THOC2: variants seen among roughly 807,000 people sequenced by gnomAD.
THOC2 encodes the protein THO complex 2.
THOC2 carries 10 observed loss-of-function variants against 128.4 expected under a neutral mutation model. That is an observed-to-expected ratio of 0.08 (90% CI 0.05 to 0.13). THOC2 has a LOEUF of 0.13. Ranked by LOEUF, THOC2 falls within the 10% of genes least tolerant of loss-of-function variation. The probability of loss-of-function intolerance (pLI) is 1.00; values close to 1 mark genes in which losing one functional copy is unlikely to be tolerated. For missense variants in THOC2, 535 were observed against 1,155.7 expected (o/e 0.46, Z 7.79); for synonymous variants, 393 against 396.9 (o/e 0.99, Z 0.12).
At chrX:123,659,503 G>A (rs756632532) in intron 12 of THOC2, among the ~76,000 whole-genome samples, 11 of 112,007 alleles carry the variant, frequency 9.8e-5, no homozygotes, top group Non-Finnish European at 1.7e-4. Context: ...CCCAGGAGGC[G>A]GAGGTTGCAG....
In THOC2 at chrX:123,703,465, A is replaced by T. The variant is rs1308758838; in HGVS notation, c.263T>A (p.Phe88Tyr). Residue 88 changes from phenylalanine to tyrosine, a missense_variant, in exon 4 of 39, where the codon TTC (phenylalanine) becomes TAC (tyrosine). This residue lies in a region of THOC2 where 61 missense variants were observed against 84.3 expected (regional missense o/e 0.72). Transcript: ENST00000245838. ...GGCTTAATACCTACCTAATATGCAG[A>T]ATACATCAGCAAGAATGGAGGGCAT... ...EDMPSILADV[F>Y]CILDIETNCL... The T allele has an allele frequency of 8.5e-7, 1 of 1,175,675 alleles. No homozygotes were observed. Among genetic ancestry groups the T allele is most frequent in the Non-Finnish European group, 1.2e-6 (1 of 865,875 alleles).
At chrX:123,647,086 G>A (rs190505055) in intron 12 of THOC2, among the ~76,000 whole-genome samples, 1 of 111,079 alleles carries the variant, frequency 9.0e-6, no homozygotes, top group Admixed American at 9.6e-5. Context: ...TATTCTCTAG[G>A]TTTCATATCA....
intron 7 of THOC2, among the ~76,000 whole-genome samples, chrX:123,694,021 T>C (rs768203892): frequency 1.1e-4 from 12 of 111,141 alleles, no homozygotes; most frequent in Non-Finnish European, 2.3e-4. Context: ...GAAAAGTAAG[T>C]AGTATACATT....
intron 13 of THOC2, among the ~76,000 whole-genome samples, 164 bp from the exon 14 acceptor site, chrX:123,645,073 C>T (rs1004864116): frequency 8.9e-6 from 1 of 111,836 alleles, no homozygotes; most frequent in Non-Finnish European, 1.9e-5. Context: ...GTTTCTCCAT[C>T]GAAGACATAA....
At position 123,632,867 on chromosome X, in the gene THOC2, A is replaced by G; in HGVS notation, c.2310T>C (p.Tyr770=). The G allele has an allele frequency of 1.7e-6, 2 of 1,207,396 alleles. No homozygotes were observed. The highest frequency in any genetic ancestry group is 1.7e-5 in the African/African-American group (1 of 57,796). Residue 770 remains tyrosine (Y), a synonymous_variant, in exon 21 of 39, where the codon TAT becomes TAC. Coordinates refer to ENST00000245838, the MANE Select transcript of THOC2 (RefSeq NM_001081550.2). ...AAAAGCCACTTTAACTTGCCTGGTC[A>G]TAGAGCTTTCCCACAAGTTTCAAAT... The part of the protein sequence containing the change: ...EKHLKLVGKL[Y]DQCHDTLVQF...
At chrX:123,719,719 T>C (rs1401066683) in intron 1 of THOC2, among the ~76,000 whole-genome samples, 3 of 110,066 alleles carry the variant, frequency 2.7e-5, no homozygotes, top group Non-Finnish European at 1.9e-5. Flanking sequence ...GGAAGATTCC[T>C]TGAGGTTAGT....
Position 123,625,921 on chromosome X carries a change from G to A in THOC2, c.3048C>T (p.Cys1016=). Residue 1016 remains cysteine (C), a synonymous_variant, in exon 25 of 39, where the codon TGC becomes TGT. Coordinates refer to ENST00000245838, the MANE Select transcript of THOC2 (RefSeq NM_001081550.2). Reference sequence around the variant, plus strand: ...TGCAATAAAAACTTACTCGATCATAGCAAAGAAGTGTGGAAAAATTTGGAG... The same window carrying A: ...TGCAATAAAAACTTACTCGATCATAACAAAGAAGTGTGGAAAAATTTGGAG... ...QKTPNFSTLL[C]YDRVFSDIIY... 1 of 1,208,788 alleles carries A rather than the reference G, an allele frequency of 8.3e-7. No homozygotes were observed.
rs1238661496 is a variant in THOC2 at position 123,626,591 on chromosome X, C to G, written c.2829G>C (p.Lys943Asn). Residue 943 changes from lysine to asparagine, a missense_variant, in exon 24 of 39, where the codon AAG (lysine) becomes AAC (asparagine). Transcript: ENST00000245838. ...ALQDKLLEEE[K>N]KQMEHVQRVL... The stretch of plus-strand genomic sequence containing the variant: ...CTCTCTGTACATGTTCCATCTGTTT[C>G]TTTTCTTCTTCAAGAAGCTTGTCCT... 2 of 1,201,658 alleles carry G rather than the reference C, an allele frequency of 1.7e-6. No homozygotes were observed. The highest frequency in any genetic ancestry group is 2.2e-6 in the Non-Finnish European group (2 of 891,950).
intron 30 of THOC2, 95 bp downstream of exon 30, chrX:123,622,663 G>A (rs1196300936): frequency 3.4e-6 from 2 of 593,281 alleles, no homozygotes; most frequent in Non-Finnish European, 2.6e-6. Flanking sequence ...GACCAGCCTG[G>A]GCAACATTGC....
intron 12 of THOC2, among the ~76,000 whole-genome samples, chrX:123,650,313 A>G (rs1234796651): frequency 8.9e-6 from 1 of 112,068 alleles, no homozygotes; most frequent in Non-Finnish European, 1.9e-5. Context: ...GGAAGCACTA[A>G]ATATGGAAAG....
intron 15 of THOC2, among the ~76,000 whole-genome samples, chrX:123,643,629 G>C (rs1228130192): frequency 9.2e-6 from 1 of 108,837 alleles, no homozygotes; most frequent in African/African-American, 3.4e-5. Flanking sequence ...ACTCCCCCAA[G>C]TGAAATCATT....
At chrX:123,650,701 A>C (rs1007354335) in intron 12 of THOC2, among the ~76,000 whole-genome samples, 1 of 112,068 alleles carries the variant, frequency 8.9e-6, no homozygotes, top group Non-Finnish European at 1.9e-5. Flanking sequence ...AGATCAAAAA[A>C]AGACAAAGAG....
chrX:123,705,841 A>G (rs954276229), intron 3 of THOC2, among the ~76,000 whole-genome samples: 3 of 111,528 alleles, frequency 2.7e-5, no homozygotes, highest in Non-Finnish European at 5.7e-5. Flanking sequence ...ACCTTAATAA[A>G]ACCTATTATA....
intron 18 of THOC2, among the ~76,000 whole-genome samples, chrX:123,636,875 G>A (rs1237447409): frequency 8.9e-6 from 1 of 112,020 alleles, no homozygotes; most frequent in Non-Finnish European, 1.9e-5. Context: ...AAGGAGCTGA[G>A]TCTAGTGGAA....
At chrX:123,650,269 T>C (rs1438772758) in intron 12 of THOC2, among the ~76,000 whole-genome samples, 4 of 111,829 alleles carry the variant, frequency 3.6e-5, no homozygotes, top group Non-Finnish European at 5.6e-5. Context: ...AGAGATTATG[T>C]CACTACCAGG....
Position 123,627,683 on chromosome X carries a change from A to C in THOC2, c.2757+10T>G, listed in dbSNP as rs749659964. 1 of 1,209,665 alleles carries C rather than the reference A, an allele frequency of 8.3e-7. No homozygotes were observed. ...GTTATTGCACTTGAACTACTAGAAC[A>C]AAAACCTACCATTTCCTGATTGTCA... On this transcript the variant is annotated intron_variant, in intron 23 of 38. Transcript: ENST00000245838.
rs60084864 is a variant in THOC2 at position 123,685,697 on chromosome X, G to A, written c.768+851C>T. Among the ~76,000 whole-genome samples, 593 of 111,729 alleles carry A rather than the reference G, an allele frequency of 5.3e-3. 2 individuals are homozygous for A. Among genetic ancestry groups the A allele is most frequent in the African/African-American group, 0.018 (557 of 30,778 alleles). On this transcript the variant is annotated intron_variant, in intron 8 of 38. Coordinates refer to ENST00000245838, the MANE Select transcript of THOC2 (RefSeq NM_001081550.2). ...GTTTGAATTTCATCCTAGAAGTAAA[G>A]GTTTTTGACCAGTGAAGTGCCTCAG... is the stretch of plus-strand genomic sequence containing the variant.
chrX:123,656,190 G>T (rs931133920), intron 12 of THOC2, among the ~76,000 whole-genome samples: 46 of 108,335 alleles, frequency 4.2e-4, no homozygotes, highest in African/African-American at 1.3e-3. Flanking sequence ...GGGTGTGGTA[G>T]TGGACACCTG....
At chrX:123,614,852 G>A (rs2046830319) in intron 33 of THOC2, among the ~76,000 whole-genome samples, 2 of 111,034 alleles carry the variant, frequency 1.8e-5, no homozygotes, top group African/African-American at 6.5e-5. Flanking sequence ...CATCTAGTCA[G>A]CTGAGGATGA....
Sources: allele counts gnomAD v4.1 joint callset (sites outside exome capture counted in the v4.1 genomes callset), GRCh38; gene constraint gnomAD v4.1.1; regional missense constraint gnomAD v4.1.1; transcripts MANE v1.5; gene names NCBI Gene and HGNC (gene_info 2026-07-23, HGNC 2026-07-21).